The following OSBPL9 variants were observed in gnomAD, a reference collection of about 807,000 sequenced individuals.
The protein encoded by OSBPL9 is oxysterol binding protein like 9.
In OSBPL9, 40 loss-of-function variants were observed where a neutral mutation model predicts 106.6. The observed-to-expected ratio is 0.38, with a 90% CI of 0.29 to 0.49. OSBPL9 has a LOEUF of 0.49. OSBPL9 is among the 20% of genes least tolerant of loss of function. The probability of loss-of-function intolerance (pLI) is 0.97; values close to 1 mark genes in which losing one functional copy is unlikely to be tolerated. For missense variants in OSBPL9, 609 were observed against 887.2 expected, an observed-to-expected ratio of 0.69 and a Z score of 3.98; for synonymous variants, 269 against 295.4, an observed-to-expected ratio of 0.91 and a Z score of 0.92.
intron 5 of OSBPL9, among the ~76,000 whole-genome samples, chr1:51,746,178 G>C (rs1457388808): frequency 6.6e-6 from 1 of 152,166 alleles, no homozygotes; most frequent in Non-Finnish European, 1.5e-5. Context: ...TCCTGACCTT[G>C]TGATCCGCCT....
intron 1 of OSBPL9, among the ~76,000 whole-genome samples, chr1:51,622,406 T>G (rs1644495421): frequency 6.6e-6 from 1 of 152,206 alleles, no homozygotes. Context: ...ACCACTGGAT[T>G]TAGTTATCTA....
chr1:51,780,006 A>G (rs1675956332), intron 15 of OSBPL9, among the ~76,000 whole-genome samples: 1 of 151,094 alleles, frequency 6.6e-6, no homozygotes, highest in South Asian at 2.2e-4. Context: ...TGAACCCGGC[A>G]GGTGGAGCTT....
chr1:51,611,741 G>C (rs944312871), intron 2 of OSBPL9, among the ~76,000 whole-genome samples: 1 of 152,166 alleles, frequency 6.6e-6, no homozygotes, highest in Non-Finnish European at 1.5e-5. Flanking sequence ...AAGGTCAAGG[G>C]GTGGGGGGTG....
intron 1 of OSBPL9, among the ~76,000 whole-genome samples, chr1:51,587,694 C>A (rs1570532204): frequency 6.6e-6 from 1 of 152,286 alleles, no homozygotes; most frequent in East Asian, 1.9e-4. Context: ...TTCTGCAAAA[C>A]CCCCACCTTG....
At chr1:51,571,818 A>G in the OSBPL9 span, among the ~76,000 whole-genome samples, 1 of 152,220 alleles carries the variant, frequency 6.6e-6, no homozygotes. Flanking sequence ...TTGAGTCTCT[A>G]TTCTGCCAAA....
chr1:51,521,626 T>A, the OSBPL9 span, among the ~76,000 whole-genome samples: 1 of 152,146 alleles, frequency 6.6e-6, no homozygotes, highest in Non-Finnish European at 1.5e-5. Flanking sequence ...TAGTCCCAGC[T>A]ACACAGGAGA....
At chr1:51,737,570 G>C (rs1240162007) in intron 4 of OSBPL9, among the ~76,000 whole-genome samples, 2 of 151,456 alleles carry the variant, frequency 1.3e-5, no homozygotes, top group African/African-American at 2.4e-5. Flanking sequence ...GTGTGTGTGT[G>C]TGTGTGTGTG....
At chr1:51,641,099 G>A (rs574267449) in intron 1 of OSBPL9, among the ~76,000 whole-genome samples, 1 of 152,076 alleles carries the variant, frequency 6.6e-6, no homozygotes, top group Non-Finnish European at 1.5e-5. Flanking sequence ...TATTAAAGCA[G>A]ATTTAAGACT....
chr1:51,605,293 A>C (rs887648284), intron 2 of OSBPL9, among the ~76,000 whole-genome samples: 9 of 152,208 alleles, frequency 5.9e-5, no homozygotes, highest in Non-Finnish European at 1.5e-5. Context: ...AGCTGGAGAG[A>C]TAAATCAAGA....
At chr1:51,532,625 G>A in the OSBPL9 span, among the ~76,000 whole-genome samples, 1 of 152,182 alleles carries the variant, frequency 6.6e-6, no homozygotes, top group Admixed American at 6.5e-5. Context: ...ACACAGTTGT[G>A]GGTTTTTCTT....
intron 1 of OSBPL9, among the ~76,000 whole-genome samples, chr1:51,578,300 T>C (rs1450960312): frequency 2.0e-5 from 3 of 152,212 alleles, no homozygotes; most frequent in African/African-American, 7.2e-5. Context: ...TAGAAGAGGT[T>C]AGAATAGAAC....
At chr1:51,786,472 C>T in intron 21 of OSBPL9, 54 bp from the exon 22 acceptor site, 1 of 1,217,034 alleles carries the variant, frequency 8.2e-7, no homozygotes, top group East Asian at 2.4e-5. Flanking sequence ...ATGCATCTAA[C>T]ATTAGGTTAG....
intron 17 of OSBPL9, among the ~76,000 whole-genome samples, chr1:51,783,005 C>T (rs1329901302): frequency 1.3e-5 from 2 of 152,040 alleles, no homozygotes; most frequent in East Asian, 3.9e-4. Flanking sequence ...CTGCAGATAC[C>T]AAAACCGAGG....
intron 12 of OSBPL9, among the ~76,000 whole-genome samples, chr1:51,768,832 G>A (rs1173814673): frequency 6.6e-6 from 1 of 152,160 alleles, no homozygotes; most frequent in African/African-American, 2.4e-5. Context: ...CCAGTACCCT[G>A]TCCCATAATA....
intron 3 of OSBPL9, among the ~76,000 whole-genome samples, chr1:51,694,961 A>G (rs943763864): frequency 9.9e-5 from 15 of 152,220 alleles, no homozygotes. Context: ...CCGAGAGTGA[A>G]TAATTTAGTT....
the OSBPL9 span, among the ~76,000 whole-genome samples, chr1:51,523,733 C>T: frequency 1.3e-5 from 2 of 152,312 alleles, no homozygotes; most frequent in South Asian, 2.1e-4. Flanking sequence ...AAATCATAAA[C>T]AGCTTTGTCA....
At chr1:51,663,078 A>G (rs1275100317) in intron 2 of OSBPL9, among the ~76,000 whole-genome samples, 1 of 152,186 alleles carries the variant, frequency 6.6e-6, no homozygotes, top group Non-Finnish European at 1.5e-5. Flanking sequence ...ACAACTGGCA[A>G]TCAGAACATG....
At position 51,597,502 on chromosome 1, in the gene OSBPL9, T is replaced by TAC. The variant is rs886446945; in HGVS notation, c.-422-612_-422-611dup. On this transcript the variant is annotated intron_variant, in intron 1 of 25. Coordinates refer to the OSBPL9 transcript ENST00000371714. ...AAAGGATAGATTGTATATATATATA[T>TAC]ACACACACACATATATATATACACA... Among the ~76,000 whole-genome samples the TAC allele has an allele frequency of 8.6e-5, 13 of 150,818 alleles. No homozygotes were observed. The South Asian group carries it at 1.1e-3, about 12-fold the overall frequency.
chr1:51,655,750 A>G lies in OSBPL9; in HGVS notation c.162+3709A>G, dbSNP rs1350933516. ...TTTTACCCATTCCTTTGTTGAGTGGAAAAGGGAAGCTATCATAAGCTTCCT... is the reference window on the plus strand; with the variant it reads ...TTTTACCCATTCCTTTGTTGAGTGGGAAAGGGAAGCTATCATAAGCTTCCT... On this transcript the variant is annotated intron_variant, in intron 2 of 23. Transcript: ENST00000428468. 3.9e-5 allele frequency among the ~76,000 whole-genome samples: 6 copies of G among 152,290 alleles called. No individual in the cohort carries two copies. In the East Asian group the frequency reaches 9.7e-4, roughly 24 times the overall value.
Sources: gnomAD v4.1 joint callset for allele counts (sites outside exome capture counted in the v4.1 genomes callset) on GRCh38, gnomAD v4.1.1 for gene constraint, MANE v1.5 for transcripts, NCBI Gene and HGNC (gene_info 2026-07-23, HGNC 2026-07-21) for gene names.